The following VAPB variants were observed in gnomAD, a reference collection of about 807,000 sequenced individuals.
VAPB encodes the protein vesicle-associated membrane protein-associated protein B/C.
VAPB carries 7 observed loss-of-function variants against 25.6 expected under a neutral mutation model. The observed-to-expected ratio is 0.27, with a 90% CI of 0.16 to 0.51. VAPB has a LOEUF of 0.51. Ranked by LOEUF, VAPB falls within the 20% of genes least tolerant of loss-of-function variation. VAPB has a pLI of 0.97. For synonymous variants in VAPB, 112 were observed against 109.2 expected (o/e 1.03, Z -0.16); for missense variants, 266 against 301.3 (o/e 0.88, Z 0.87).
chr20:58,443,854 C>T (rs1989215584), intron 5 of VAPB, among the ~76,000 whole-genome samples: 1 of 152,124 alleles, frequency 6.6e-6, no homozygotes, highest in South Asian at 2.1e-4. Context: ...TAACTAGCAG[C>T]AGCAAGTGGA....
chr20:58,391,759 C>A (rs1050477384), intron 1 of VAPB, among the ~76,000 whole-genome samples: 6 of 152,158 alleles, frequency 3.9e-5, no homozygotes, highest in Non-Finnish European at 7.4e-5. Context: ...TCTCAAACTC[C>A]GGACCTCAAG....
chr20:58,438,870 T>C (rs1337716953), intron 3 of VAPB, 75 bp from the exon 4 acceptor site: 2 of 1,295,228 alleles, frequency 1.5e-6, no homozygotes, highest in African/African-American at 3.0e-5. Flanking sequence ...TTTTCTGAAA[T>C]TGTCAGTTAT....
chr20:58,425,403 A>G (rs1988763148), intron 2 of VAPB, among the ~76,000 whole-genome samples: 1 of 152,252 alleles, frequency 6.6e-6, no homozygotes, highest in South Asian at 2.1e-4. Flanking sequence ...TAGGGAGAGC[A>G]TGATTCAGGA....
intron 2 of VAPB, among the ~76,000 whole-genome samples, chr20:58,427,236 T>A (rs1427431174): frequency 6.7e-4 from 97 of 144,236 alleles, no homozygotes; most frequent in Non-Finnish European, 8.8e-4. Context: ...GTTACAATTA[T>A]GATGCAGGCG....
At chr20:58,434,853 C>A in intron 3 of VAPB, 148 bp downstream of exon 3, 2 of 605,586 alleles carry the variant, frequency 3.3e-6, no homozygotes, top group East Asian at 2.9e-5. Context: ...ACTTTATCTA[C>A]CTTTATGGTT....
intron 1 of VAPB, among the ~76,000 whole-genome samples, chr20:58,412,458 T>C (rs1304819644): frequency 6.6e-6 from 1 of 151,546 alleles, no homozygotes; most frequent in Non-Finnish European, 1.5e-5. Context: ...ATGCCTGTGG[T>C]CCTAGCTACT....
At chr20:58,435,389 A>G (rs973082679) in intron 3 of VAPB, among the ~76,000 whole-genome samples, 2 of 152,102 alleles carry the variant, frequency 1.3e-5, no homozygotes, top group Non-Finnish European at 2.9e-5. Flanking sequence ...ATTGAAATCT[A>G]CAATACAACC....
chr20:58,450,288 G>C lies in VAPB; in HGVS notation c.*6053G>C. ...TTATTGTCTGTGATATTGAGACCATGTGTACAAGAACTACTTTTTGCTTTT... is the reference window on the plus strand; with the variant it reads ...TTATTGTCTGTGATATTGAGACCATCTGTACAAGAACTACTTTTTGCTTTT... On this transcript the variant is annotated 3_prime_UTR_variant, in exon 6 of 6. Coordinates refer to ENST00000475243, the MANE Select transcript of VAPB (RefSeq NM_004738.5). 2.2e-6 allele frequency: 1 copy of C among 453,650 alleles called. No homozygotes were observed. The highest frequency in any genetic ancestry group is 1.6e-5 in the South Asian group (1 of 64,442). The allele number at this position is 453,650 out of a possible 1,614,324, so 28.1% of individuals were successfully genotyped here.
intron 1 of VAPB, among the ~76,000 whole-genome samples, chr20:58,411,017 A>C (rs1988365766): frequency 6.6e-6 from 1 of 152,224 alleles, no homozygotes. Flanking sequence ...TGTGGATATA[A>C]GTTTTCAACT....
At chr20:58,441,602 AC>A (rs1338947186) in intron 5 of VAPB, among the ~76,000 whole-genome samples, 1 of 152,236 alleles carries the variant, frequency 6.6e-6, no homozygotes, top group African/African-American at 2.4e-5. Context: ...AGATCGTGCC[AC>A]TGCCCTCCAG....
At chr20:58,422,402 T>C (rs1988687504) in intron 2 of VAPB, among the ~76,000 whole-genome samples, 1 of 152,054 alleles carries the variant, frequency 6.6e-6, no homozygotes, top group African/African-American at 2.4e-5. Context: ...GAAAGGGAGG[T>C]TGGAATTTTT....
chr20:58,408,166 C>G (rs1568702714), intron 1 of VAPB, among the ~76,000 whole-genome samples: 1 of 152,070 alleles, frequency 6.6e-6, no homozygotes, highest in Non-Finnish European at 1.5e-5. Flanking sequence ...TCTGGTGTGC[C>G]TTTGATGGCA....
At chr20:58,403,206 TCTC>T (rs771864119) in intron 1 of VAPB, among the ~76,000 whole-genome samples, 3 of 152,340 alleles carry the variant, frequency 2.0e-5, no homozygotes, top group South Asian at 2.1e-4. Flanking sequence ...TGTTTTTACT[TCTC>T]CTCCTCTTCT....
rs767215861 is a variant in VAPB, at chr20:58,448,279, T to A, written c.*4044T>A. 4.4e-6 allele frequency: 2 copies of A among 453,998 alleles called. No individual in the cohort carries two copies. Among genetic ancestry groups the A allele is most frequent in the Non-Finnish European group, 8.8e-6 (2 of 226,702 alleles). The allele number at this position is 453,998 out of a possible 1,614,324, so 28.1% of individuals were successfully genotyped here. A position where few individuals can be genotyped will look rare whatever the true frequency, so the allele number is the denominator to read the frequency against. On this transcript the variant is annotated 3_prime_UTR_variant, in exon 6 of 6. Transcript: ENST00000475243. ...ACCAAGAGCAGCTCTGAGATCATGC[T>A]GGCCCTACGCGAATTGAGTTTCTGT...
At position 58,446,834 on chromosome 20, in the gene VAPB, T is replaced by C. The variant is rs1350683313; in HGVS notation, c.*2599T>C. The C allele has an allele frequency of 2.2e-6, 1 of 453,970 alleles. No individual in the cohort carries two copies. The highest frequency in any genetic ancestry group is 4.4e-6 in the Non-Finnish European group (1 of 226,792). The allele number at this position is 453,970 out of a possible 1,614,324, so 28.1% of individuals were successfully genotyped here. A position where few individuals can be genotyped will look rare whatever the true frequency, so the allele number is the denominator to read the frequency against. On this transcript the variant is annotated 3_prime_UTR_variant, in exon 6 of 6. Coordinates refer to ENST00000475243, the MANE Select transcript of VAPB (RefSeq NM_004738.5). ...AAAAATGTGCCAGGAAAAGAAAGAA[T>C]GTGGAGCACGCGTGGCTCCTGGAGG... is the stretch of plus-strand genomic sequence containing the variant.
chr20:58,437,900 A>G (rs1003513047), intron 3 of VAPB, among the ~76,000 whole-genome samples: 6 of 152,172 alleles, frequency 3.9e-5, no homozygotes, highest in Non-Finnish European at 7.4e-5. Flanking sequence ...TGCCTCTTGC[A>G]TGGTTTTGGG....
chr20:58,419,781 A>G (rs563014310), intron 2 of VAPB, among the ~76,000 whole-genome samples: 1 of 152,290 alleles, frequency 6.6e-6, no homozygotes, highest in African/African-American at 2.4e-5. Flanking sequence ...CCCCTCTTCT[A>G]TCTACTTTCC....
chr20:58,392,499 G>GT (rs1260298436), intron 1 of VAPB, among the ~76,000 whole-genome samples: 2 of 152,202 alleles, frequency 1.3e-5, no homozygotes, highest in African/African-American at 2.4e-5. Context: ...CATGAGGTGT[G>GT]TTGTTTGTTT....
In VAPB at chr20:58,450,066, C is replaced by T. The variant is rs564760400; in HGVS notation, c.*5831C>T. 159 of 454,000 alleles carry T rather than the reference C, an allele frequency of 3.5e-4. No individual in the cohort carries two copies. Among genetic ancestry groups the T allele is most frequent in the African/African-American group, 2.8e-3 (140 of 50,092 alleles). 28.1% of individuals were successfully genotyped at this position (454,000 alleles called of 1,614,324 possible). On this transcript the variant is annotated 3_prime_UTR_variant, in exon 6 of 6. Transcript: ENST00000475243. ...TAAGAAGATGAGAAATGAGTGTGCA[C>T]GTTTCACACGTTGACTTGCCGGTTT...
Sources: gnomAD v4.1 joint callset for allele counts (sites outside exome capture counted in the v4.1 genomes callset) on GRCh38, gnomAD v4.1.1 for gene constraint, MANE v1.5 for transcripts, NCBI Gene and HGNC (gene_info 2026-07-23, HGNC 2026-07-21) for gene names.